ARID5B: variants seen among roughly 807,000 people sequenced by gnomAD.
The protein encoded by ARID5B is AT-rich interactive domain-containing protein 5B.
ARID5B carries 13 observed loss-of-function variants against 97.2 expected under a neutral mutation model. The ratio of observed to expected loss-of-function variants is 0.13; its 90% CI spans 0.09 to 0.21. The LOEUF (loss-of-function observed/expected upper bound fraction) is 0.21. Ranked by LOEUF, ARID5B falls within the 10% of genes least tolerant of loss-of-function variation. ARID5B has a pLI of 1.00. For missense variants in ARID5B, 1,210 were observed against 1,465.3 expected (o/e 0.83, Z 2.84); for synonymous variants, 556 against 570.3 (o/e 0.97, Z 0.36).
At chr10:62,035,610 C>A (rs893368253) in intron 4 of ARID5B, among the ~76,000 whole-genome samples, 4 of 152,084 alleles carry the variant, frequency 2.6e-5, no homozygotes, top group African/African-American at 9.7e-5. Context: ...CCTGTCCCAG[C>A]CTCCCGAGTA....
At chr10:62,085,635 ACC>A in intron 8 of ARID5B, 65 bp from the exon 9 acceptor site, 2 of 1,303,648 alleles carry the variant, frequency 1.5e-6, no homozygotes, top group South Asian at 2.7e-5. Flanking sequence ...AAGAAAGTAA[ACC>A]CCCATAGCAT....
chr10:62,065,483 G>A (rs898721436), intron 7 of ARID5B, among the ~76,000 whole-genome samples: 8 of 152,246 alleles, frequency 5.3e-5, no homozygotes, highest in East Asian at 1.9e-4. Context: ...ATCTAATTGC[G>A]GACCTTGAAG....
At chr10:61,916,127 C>T (rs1386160783) in intron 2 of ARID5B, among the ~76,000 whole-genome samples, 4 of 152,240 alleles carry the variant, frequency 2.6e-5, no homozygotes, top group Non-Finnish European at 5.9e-5. Context: ...GGTCTTGCCT[C>T]ATCGCAACCT....
chr10:62,043,495 T>C (rs1839667117), intron 4 of ARID5B, among the ~76,000 whole-genome samples: 1 of 152,220 alleles, frequency 6.6e-6, no homozygotes, highest in Non-Finnish European at 1.5e-5. Flanking sequence ...GGAACAAAGA[T>C]AGAAATCTGC....
Position 61,940,250 on chromosome 10 carries a change from C to A in ARID5B, c.344C>A (p.Ser115Tyr). Residue 115 changes from serine (S) to tyrosine (Y), a missense_variant, in exon 3 of 10, where the codon TCT becomes TAT. Physicochemically the swap from Ser to Tyr is moderately radical, Grantham distance 144 (BLOSUM62 -2). Coordinates refer to ENST00000279873, the MANE Select transcript of ARID5B (RefSeq NM_032199.3). ...GAAGACCTGGTCAAGTGGGTACATT[C>A]TGATTTCTCCAAGTGGAGATGTGGC... ...KLEDLVKWVHSDFSKWRCGFH... is the reference protein window; with the variant it reads ...KLEDLVKWVHYDFSKWRCGFH... The A allele has an allele frequency of 6.2e-7, 1 of 1,614,190 alleles. No homozygotes were observed.
chr10:62,069,860 C>T lies in ARID5B; in HGVS notation c.1199+63C>T. 2.0e-6 allele frequency: 3 copies of T among 1,526,534 alleles called. No homozygotes were observed. The South Asian group carries it at 3.4e-5, about 17-fold the overall frequency. 94.6% of individuals were successfully genotyped at this position (1,526,534 alleles called of 1,614,324 possible). A position where few individuals can be genotyped will look rare whatever the true frequency, so the allele number is the denominator to read the frequency against. The stretch of plus-strand genomic sequence containing the variant: ...GTGTTAATTGAAAGGAGCTTCTGGT[C>T]AAGGATAAGACAGAGGAAGTCTAAA... On this transcript the variant is annotated intron_variant, in intron 8 of 9. Coordinates refer to ENST00000279873, the MANE Select transcript of ARID5B (RefSeq NM_032199.3).
chr10:62,054,031 G>A (rs77509998), intron 5 of ARID5B, among the ~76,000 whole-genome samples: 3 of 152,124 alleles, frequency 2.0e-5, no homozygotes, highest in African/African-American at 4.8e-5. Context: ...ACTCAATCCC[G>A]TGGAAGGATG....
rs181769290 is a variant in ARID5B at position 62,024,657 on chromosome 10, T to A, written c.733+24336T>A. 2.3e-5 allele frequency: 9 copies of A among 391,894 alleles called. No individual in the cohort carries two copies. The East Asian group carries it at 3.2e-4, about 14-fold the overall frequency. 24.3% of individuals were successfully genotyped at this position (391,894 alleles called of 1,614,324 possible). ...GATTTGACAAAATTATATTTTCTGA[T>A]TTTTTTTTCTTTCGGGAGGCAGATT... On this transcript the variant is annotated intron_variant, in intron 4 of 9. Coordinates refer to ENST00000279873, the MANE Select transcript of ARID5B (RefSeq NM_032199.3).
chr10:61,977,185 A>T (rs1157461752), intron 3 of ARID5B, among the ~76,000 whole-genome samples: 1 of 152,128 alleles, frequency 6.6e-6, no homozygotes, highest in Non-Finnish European at 1.5e-5. Context: ...AAAGACATGA[A>T]CTCATCCTTT....
At chr10:62,004,305 T>C (rs796185756) in intron 4 of ARID5B, among the ~76,000 whole-genome samples, 9 of 152,326 alleles carry the variant, frequency 5.9e-5, no homozygotes, top group African/African-American at 2.2e-4. Flanking sequence ...AGTCTCGACA[T>C]TCTGCTTGCA....
In ARID5B at chr10:62,091,829, C is replaced by T. The variant is rs772181686; in HGVS notation, c.2366C>T (p.Ser789Phe). The change falls in exon 10 of 10, where the codon TCC becomes TTC. Residue 789 changes from serine (S) to phenylalanine (F), a missense_variant. This residue lies in a region of ARID5B where 800 missense variants were observed against 839.1 expected (regional missense o/e 0.95). Coordinates refer to ENST00000279873, the MANE Select transcript of ARID5B (RefSeq NM_032199.3). ...TCAGATCCCCACCGCTGCAGCTTCT[C>T]CAAGCATCACCTTAACCCCCTTGCT... ...SRSDPHRCSF[S>F]KHHLNPLADS... 6.2e-7 allele frequency: 1 copy of T among 1,614,110 alleles called. No individual in the cohort carries two copies. The highest frequency in any genetic ancestry group is 2.2e-5 in the East Asian group (1 of 44,888).
At chr10:62,078,761 A>G (rs1232149231) in intron 8 of ARID5B, among the ~76,000 whole-genome samples, 1 of 152,210 alleles carries the variant, frequency 6.6e-6, no homozygotes, top group Non-Finnish European at 1.5e-5. Flanking sequence ...ATGCTCTTAC[A>G]TGTGGCATGG....
At chr10:61,989,911 C>T (rs1224168122) in intron 3 of ARID5B, among the ~76,000 whole-genome samples, 1 of 152,190 alleles carries the variant, frequency 6.6e-6, no homozygotes, top group African/African-American at 2.4e-5. Context: ...TGATTTGACT[C>T]TTTAGTGCTC....
intron 8 of ARID5B, among the ~76,000 whole-genome samples, chr10:62,072,130 C>T (rs779610375): frequency 1.3e-5 from 2 of 152,132 alleles, no homozygotes; most frequent in Admixed American, 6.5e-5. Flanking sequence ...GGTTCAGGTC[C>T]CTGGTAAGAA....
chr10:61,956,678 G>T (rs1838395691), intron 3 of ARID5B, among the ~76,000 whole-genome samples: 3 of 151,946 alleles, frequency 2.0e-5, no homozygotes, highest in Admixed American at 2.0e-4. Flanking sequence ...CTTTCTGGTG[G>T]CCCTTATCTA....
rs926976035 is a variant in ARID5B, at chr10:62,064,119, T to C, written c.1101+4824T>C. Among the ~76,000 whole-genome samples, 3 of 152,358 alleles carry C rather than the reference T, an allele frequency of 2.0e-5. No homozygotes were observed. The East Asian group carries it at 5.8e-4, about 29-fold the overall frequency. ...TTGTTCTTCATCTGGAAGAAGCCTC[T>C]TTCCTTGCTGAAAGGATTAGGCTTT... On this transcript the variant is annotated intron_variant, in intron 7 of 9. Transcript: ENST00000279873.
intron 9 of ARID5B, among the ~76,000 whole-genome samples, chr10:62,088,410 G>C (rs1840320880): frequency 6.6e-6 from 1 of 152,304 alleles, no homozygotes; most frequent in East Asian, 1.9e-4. Context: ...AGTTTGAAAT[G>C]GTTGGTTTGT....
rs147056186 is a variant in ARID5B, at chr10:62,006,397, G to A, written c.733+6076G>A. On this transcript the variant is annotated intron_variant, in intron 4 of 9. Coordinates refer to ENST00000279873, the MANE Select transcript of ARID5B (RefSeq NM_032199.3). The stretch of plus-strand genomic sequence containing the variant: ...GCAGAGGTTGCAGTGAGCCAAGATC[G>A]CGCCATTGTACTCCAGCCTGGGAAA... Among the ~76,000 whole-genome samples, 58 of 152,240 alleles carry A rather than the reference G, an allele frequency of 3.8e-4. 1 individual carries two copies. Among genetic ancestry groups the A allele is most frequent in the East Asian group, 3.7e-3 (19 of 5,186 alleles).
chr10:61,925,751 G>A lies in ARID5B; in HGVS notation c.277-14432G>A, dbSNP rs77133558. 3.4e-3 allele frequency among the ~76,000 whole-genome samples: 511 copies of A among 152,306 alleles called. 4 individuals are homozygous for A. Among genetic ancestry groups the A allele is most frequent in the African/African-American group, 9.3e-3 (386 of 41,574 alleles). On this transcript the variant is annotated intron_variant, in intron 2 of 9. Coordinates refer to ENST00000279873, the MANE Select transcript of ARID5B (RefSeq NM_032199.3). ...ATGGTCAGGGGAGCAGGCTGCAGCC[G>A]ACCAGGTTTTAGATTAGTGTGTATT...
Sources: gnomAD v4.1 joint callset for allele counts (sites outside exome capture counted in the v4.1 genomes callset) on GRCh38, gnomAD v4.1.1 for gene constraint, gnomAD v4.1.1 regional missense constraint, MANE v1.5 for transcripts, NCBI Gene and HGNC (gene_info 2026-07-23, HGNC 2026-07-21) for gene names.